Variants in WLS observed in about 807,000 individuals in gnomAD.
WLS encodes the protein protein wntless homolog.
A neutral mutation model predicts 62.8 loss-of-function variants in WLS; 23 were observed. The observed-to-expected ratio is 0.37, with a 90% CI of 0.26 to 0.52. The LOEUF is 0.52. WLS is among the 20% of genes least tolerant of loss of function. The pLI, the probability that WLS is intolerant of heterozygous loss-of-function variation, is 0.92. For missense variants in WLS, 615 were observed against 697.3 expected (o/e 0.88, Z 1.33); for synonymous variants, 246 against 244.1 (o/e 1.01, Z -0.07).
At position 68,214,199 on chromosome 1, in the gene WLS, A is replaced by ACACACACACACACACATG. The variant is rs761676326; in HGVS notation, c.106+17994_106+17995insCATGTGTGTGTGTGTGTG. ...GATCTCTGAACACACACACACACAC[A>ACACACACACACACACATG]CACACACACACCCCATTTCCAATAC... is the stretch of plus-strand genomic sequence containing the variant. On this transcript the variant is annotated intron_variant, in intron 1 of 11. Transcript: ENST00000262348. 3.9e-3 allele frequency among the ~76,000 whole-genome samples: 595 copies of ACACACACACACACACATG among 151,942 alleles called. 5 individuals are homozygous for ACACACACACACACACATG. Among genetic ancestry groups the ACACACACACACACACATG allele is most frequent in the African/African-American group, 0.014 (565 of 41,458 alleles).
rs572242131 is a variant in WLS at position 68,160,926 on chromosome 1, A to G, written c.380-1679T>C. Among the ~76,000 whole-genome samples, 17 of 152,322 alleles carry G rather than the reference A, an allele frequency of 1.1e-4. No individual in the cohort carries two copies. The East Asian group carries it at 3.3e-3, about 29-fold the overall frequency. ...CTTGTATAAAATATCACGTGAAGAA[A>G]AGAAGACTTTATCAATGTCTAAAAA... On this transcript the variant is annotated intron_variant, in intron 2 of 11. Transcript: ENST00000262348.
At chr1:68,148,411 C>A (rs1458457906) in intron 7 of WLS, 152 bp downstream of exon 7, 4 of 914,210 alleles carry the variant, frequency 4.4e-6, no homozygotes, top group Non-Finnish European at 6.7e-6. Flanking sequence ...TTGATTTGAT[C>A]CCAGACCTTG....
intron 1 of WLS, chr1:68,231,838 G>A (rs949375874): frequency 4.4e-5 from 19 of 428,534 alleles, no homozygotes; most frequent in Non-Finnish European, 7.2e-5. Context: ...GAGGAAAAGG[G>A]GGGGAACGCG....
chr1:68,115,927 C>T (rs1646286374), intron 11 of WLS, among the ~76,000 whole-genome samples: 1 of 152,152 alleles, frequency 6.6e-6, no homozygotes, highest in Non-Finnish European at 1.5e-5. Context: ...TGGCAGCAGT[C>T]GTTGGCATTT....
chr1:68,222,715 A>T (rs1649990416), intron 1 of WLS, among the ~76,000 whole-genome samples: 1 of 152,106 alleles, frequency 6.6e-6, no homozygotes, highest in Non-Finnish European at 1.5e-5. Flanking sequence ...ATAGTCTTGA[A>T]GGCCCTTTCA....
chr1:68,160,071 C>CTTTTT (rs58448910), intron 2 of WLS, among the ~76,000 whole-genome samples: 1,157 of 93,460 alleles, frequency 0.012, 30 homozygotes, highest in African/African-American at 0.04. Context: ...GCAGAGAAGT[C>CTTTTT]TTTTTTTTTT....
intron 2 of WLS, among the ~76,000 whole-genome samples, chr1:68,166,612 C>T (rs1035093743): frequency 6.6e-6 from 1 of 152,188 alleles, no homozygotes; most frequent in African/African-American, 2.4e-5. Context: ...AAGAGCCACT[C>T]AACACAAACT....
chr1:68,190,475 C>T (rs1302155646), intron 2 of WLS, among the ~76,000 whole-genome samples: 1 of 152,218 alleles, frequency 6.6e-6, no homozygotes, highest in Admixed American at 6.5e-5. Flanking sequence ...TTGCAAGATT[C>T]AGCGGTTTCC....
chr1:68,182,800 T>C (rs1449873575), intron 2 of WLS, among the ~76,000 whole-genome samples: 1 of 152,248 alleles, frequency 6.6e-6, no homozygotes, highest in Non-Finnish European at 1.5e-5. Flanking sequence ...TTGAAGTTTT[T>C]ATTTCTGCTT....
At chr1:68,216,998 A>G (rs1413374865) in intron 1 of WLS, among the ~76,000 whole-genome samples, 1 of 152,222 alleles carries the variant, frequency 6.6e-6, no homozygotes, top group African/African-American at 2.4e-5. Context: ...ATTTTAAAAA[A>G]TGGCAAAAAA....
intron 2 of WLS, chr1:68,183,575 C>G (rs147113488): frequency 3.8e-6 from 2 of 532,878 alleles, no homozygotes; most frequent in Non-Finnish European, 7.7e-6. Context: ...CTTTGACTTT[C>G]ATCCTTCTAC....
intron 10 of WLS, 72 bp downstream of exon 10, chr1:68,144,497 A>G (rs879233919): frequency 2.8e-6 from 4 of 1,443,414 alleles, no homozygotes; most frequent in South Asian, 2.5e-5. Context: ...CAGTGGCTCT[A>G]TTGAATTTCT....
At chr1:68,168,932 T>C (rs777549777) in intron 2 of WLS, among the ~76,000 whole-genome samples, 2 of 152,226 alleles carry the variant, frequency 1.3e-5, no homozygotes, top group South Asian at 2.1e-4. Context: ...AAAAATGGAC[T>C]CAGCTAATTA....
rs761900253 is a variant in WLS, at chr1:68,148,644, T to C, written c.989A>G (p.Asn330Ser). Residue 330 changes from asparagine to serine, a missense_variant, in exon 7 of 12, where the codon AAC (asparagine) becomes AGC (serine). By Grantham distance (46) the Asn-to-Ser change is conservative (BLOSUM62 1). Transcript: ENST00000262348. ...GEHMMDQHER[N>S]HIAGYWKQVG... Reference sequence around the variant, plus strand: ...TTGCTTCCAATACCCTGCGATGTGGTTCCGCTCGTGCTGATCCTGAGGAAA... The same window carrying C: ...TTGCTTCCAATACCCTGCGATGTGGCTCCGCTCGTGCTGATCCTGAGGAAA... 6.2e-7 allele frequency: 1 copy of C among 1,613,998 alleles called. No individual in the cohort carries two copies. Among genetic ancestry groups the C allele is most frequent in the Admixed American group, 1.7e-5 (1 of 60,024 alleles).
At chr1:68,137,193 G>A (rs1306069825) in intron 11 of WLS, among the ~76,000 whole-genome samples, 1 of 152,164 alleles carries the variant, frequency 6.6e-6, no homozygotes, top group Admixed American at 6.5e-5. Context: ...GATTCTCTAA[G>A]GCTACTTGCA....
rs542280259 is a variant in WLS at position 68,217,997 on chromosome 1, T to G, written c.106+14197A>C. On this transcript the variant is annotated intron_variant, in intron 1 of 11. Transcript: ENST00000262348. ...ATTTTGAAAATGAATTTCCCATGGT[T>G]CAATGGCTCAACCACAATCTTGAGT... 4.6e-5 allele frequency among the ~76,000 whole-genome samples: 7 copies of G among 152,310 alleles called. No homozygotes were observed. In the South Asian group the frequency reaches 1.4e-3, roughly 32 times the overall value.
At chr1:68,167,827 C>G (rs1472724826) in intron 2 of WLS, among the ~76,000 whole-genome samples, 1 of 152,104 alleles carries the variant, frequency 6.6e-6, no homozygotes, top group Non-Finnish European at 1.5e-5. Flanking sequence ...AAGGCACTGT[C>G]GTTCGTTACA....
intron 11 of WLS, chr1:68,102,875 T>G (rs904663899): frequency 6.6e-6 from 1 of 152,396 alleles, no homozygotes. Context: ...CTGACCTCAC[T>G]GTGTCTTGGC....
At chr1:68,164,790 C>T (rs998784493) in intron 2 of WLS, among the ~76,000 whole-genome samples, 1 of 152,100 alleles carries the variant, frequency 6.6e-6, no homozygotes, top group Admixed American at 6.5e-5. Context: ...CTCAGTTCTC[C>T]CACATCTTCC....
Sources: gnomAD v4.1 joint callset for allele counts (sites outside exome capture counted in the v4.1 genomes callset) on GRCh38, gnomAD v4.1.1 for gene constraint, MANE v1.5 for transcripts, NCBI Gene and HGNC (gene_info 2026-07-23, HGNC 2026-07-21) for gene names.